Variants in ERGIC1 observed in about 807,000 individuals in gnomAD.
ERGIC1 encodes the protein endoplasmic reticulum-golgi intermediate compartment 1, also known as endoplasmic reticulum-Golgi intermediate compartment protein 1.
A neutral mutation model predicts 38.3 loss-of-function variants in ERGIC1; 19 were observed. The ratio of observed to expected loss-of-function variants is 0.50; its 90% CI spans 0.35 to 0.73. The LOEUF (loss-of-function observed/expected upper bound fraction) is 0.73. ERGIC1 is among the 30% of genes least tolerant of loss of function. The pLI is 0.01. For missense variants in ERGIC1, 294 were observed against 389.2 expected (o/e 0.76, Z 2.06); for synonymous variants, 124 against 157.6 (o/e 0.79, Z 1.60).
chr5:172,901,525 G>T (rs970880350), intron 3 of ERGIC1, among the ~76,000 whole-genome samples: 3 of 152,158 alleles, frequency 2.0e-5, no homozygotes, highest in Non-Finnish European at 2.9e-5. Flanking sequence ...ATAACTCATG[G>T]TACCTTCCAT....
intron 1 of ERGIC1, among the ~76,000 whole-genome samples, chr5:172,836,605 C>T (rs1761042736): frequency 6.6e-6 from 1 of 152,200 alleles, no homozygotes; most frequent in Admixed American, 6.5e-5. Context: ...CGACCATCCC[C>T]ATGCACCTTC....
intron 1 of ERGIC1, among the ~76,000 whole-genome samples, chr5:172,875,951 C>T (rs1166091464): frequency 6.6e-6 from 1 of 152,182 alleles, no homozygotes; most frequent in Non-Finnish European, 1.5e-5. Context: ...ATCATGTAAC[C>T]TGTTCCTGGT....
intron 1 of ERGIC1, among the ~76,000 whole-genome samples, chr5:172,845,260 G>T (rs1464011927): frequency 6.6e-6 from 1 of 152,192 alleles, no homozygotes; most frequent in Non-Finnish European, 1.5e-5. Context: ...GACTGTAGAA[G>T]TGGAAGCCTT....
intron 9 of ERGIC1, among the ~76,000 whole-genome samples, chr5:172,941,940 C>T (rs1764019371): frequency 6.6e-6 from 1 of 152,198 alleles, no homozygotes; most frequent in Non-Finnish European, 1.5e-5. Flanking sequence ...GGCGCAGTGG[C>T]TCACGCCTGT....
chr5:172,903,933 G>C (rs1311561439), intron 3 of ERGIC1, among the ~76,000 whole-genome samples: 1 of 151,512 alleles, frequency 6.6e-6, no homozygotes. Context: ...GAAGGGTGTG[G>C]AATCGGCCCT....
At chr5:172,877,666 T>C (rs1405766850) in intron 1 of ERGIC1, among the ~76,000 whole-genome samples, 2 of 151,942 alleles carry the variant, frequency 1.3e-5, no homozygotes, top group African/African-American at 4.8e-5. Context: ...CCTGTGACAG[T>C]GTCATTTTCC....
At position 172,935,206 on chromosome 5, in the gene ERGIC1, C is replaced by G; in HGVS notation, c.661C>G (p.His221Asp). Residue 221 changes from histidine to aspartate, a missense_variant, in exon 9 of 10, where the codon CAC becomes GAC. Physicochemically the swap from His to Asp is moderately conservative, Grantham distance 81. Around this residue, in one of 3 missense-constraint regions of ERGIC1, gnomAD observed 109 missense variants for 112.7 expected, o/e 0.97. Coordinates refer to ENST00000393784, the MANE Select transcript of ERGIC1 (RefSeq NM_001031711.3). ...ACCCCAGGAATACGTCGCCTACAGC[C>G]ACACGGGCCGCATCATCCCTGCAAT... ...VANKEYVAYS[H>D]TGRIIPAIWF... The G allele has an allele frequency of 6.2e-7, 1 of 1,614,188 alleles. No individual in the cohort carries two copies. Among genetic ancestry groups the G allele is most frequent in the Non-Finnish European group, 8.5e-7 (1 of 1,180,038 alleles).
At chr5:172,904,981 G>A (rs940471417) in intron 3 of ERGIC1, among the ~76,000 whole-genome samples, 3 of 152,132 alleles carry the variant, frequency 2.0e-5, no homozygotes, top group Admixed American at 6.5e-5. Context: ...CTAGCCCTGC[G>A]GAGCCTGTTC....
intron 7 of ERGIC1, chr5:172,927,068 C>G (rs2113458396): frequency 1.2e-5 from 2 of 165,932 alleles, no homozygotes; most frequent in Middle Eastern, 5.7e-3. Context: ...CCCTCCTTAG[C>G]TCCCTGGCAC....
chr5:172,926,759 A>ACCC lies in ERGIC1; in HGVS notation c.541+190_541+191insCCC. ...CAGCCCCGTCCAGACCCAGACCCTG[A>ACCC]TGGAGAAGGAAGAAGGCTTGTCCCG... is the stretch of plus-strand genomic sequence containing the variant. On this transcript the variant is annotated intron_variant, in intron 7 of 9. Coordinates refer to ENST00000393784, the MANE Select transcript of ERGIC1 (RefSeq NM_001031711.3). This position sits in a 1 kb window ranked among gnomAD's most constrained non-coding sequence, Gnocchi z 5.2. The ACCC allele has an allele frequency of 1.6e-6, 1 of 622,870 alleles. No individual in the cohort carries two copies. The highest frequency in any genetic ancestry group is 2.8e-6 in the Non-Finnish European group (1 of 354,888). 38.6% of individuals were successfully genotyped at this position (622,870 alleles called of 1,614,324 possible).
chr5:172,858,919 C>T (rs1021332812), intron 1 of ERGIC1, among the ~76,000 whole-genome samples: 1 of 152,228 alleles, frequency 6.6e-6, no homozygotes, highest in Admixed American at 6.5e-5. Context: ...GACAGTCACA[C>T]CAGGTCAAAA....
At chr5:172,935,719 T>C (rs1273077054) in intron 9 of ERGIC1, 1 of 174,704 alleles carries the variant, frequency 5.7e-6, no homozygotes, top group Non-Finnish European at 1.2e-5. Context: ...TTTCCAGTTA[T>C]AGCTGCTGAT....
At chr5:172,901,131 A>G (rs1762865373) in intron 3 of ERGIC1, among the ~76,000 whole-genome samples, 1 of 152,194 alleles carries the variant, frequency 6.6e-6, no homozygotes, top group Admixed American at 6.5e-5. Context: ...TCCCGCCACC[A>G]TGAGATTGTA....
intron 7 of ERGIC1, among the ~76,000 whole-genome samples, chr5:172,929,641 ATTGT>A (rs893386143): frequency 1.3e-5 from 2 of 152,210 alleles, no homozygotes; most frequent in African/African-American, 4.8e-5. Flanking sequence ...TCATTAGGTC[ATTGT>A]TTATAAAATT....
chr5:172,897,053 C>T lies in ERGIC1; in HGVS notation c.134C>T (p.Thr45Ile), dbSNP rs1398316487. Residue 45 changes from threonine to isoleucine, a missense_variant, in exon 3 of 10, where the codon ACC becomes ATC. Around this residue, in one of 3 missense-constraint regions of ERGIC1, gnomAD observed 163 missense variants for 225.8 expected, o/e 0.72. Transcript: ENST00000393784. The stretch of plus-strand genomic sequence containing the variant: ...CTCTTCCTCTTCCTCTCGGAGCTCA[C>T]CGGATTTATAACGACAGAAGTGTAA... ...FILFLFLSEL[T>I]GFITTEVVNE... 1.2e-6 allele frequency: 2 copies of T among 1,614,136 alleles called. No individual in the cohort carries two copies. The highest frequency in any genetic ancestry group is 2.7e-5 in the African/African-American group (2 of 75,042).
intron 1 of ERGIC1, among the ~76,000 whole-genome samples, chr5:172,873,640 G>T (rs1363812336): frequency 1.3e-5 from 2 of 152,234 alleles, no homozygotes; most frequent in African/African-American, 4.8e-5. Flanking sequence ...GGGAGGATCA[G>T]TGTTCAGTCT....
chr5:172,887,987 G>A (rs1254847562), intron 1 of ERGIC1, among the ~76,000 whole-genome samples: 3 of 152,220 alleles, frequency 2.0e-5, no homozygotes, highest in African/African-American at 4.8e-5. Flanking sequence ...GAGCAGGGCT[G>A]TGCGTTTCCT....
intron 9 of ERGIC1, among the ~76,000 whole-genome samples, chr5:172,949,664 G>GGA (rs1764192558): frequency 6.6e-6 from 1 of 150,656 alleles, no homozygotes; most frequent in Non-Finnish European, 1.5e-5. Context: ...GCGGGGGGGG[G>GGA]TATGATTGGC....
At chr5:172,890,119 C>T (rs1299883168) in intron 2 of ERGIC1, among the ~76,000 whole-genome samples, 1 of 152,150 alleles carries the variant, frequency 6.6e-6, no homozygotes. Flanking sequence ...TTGGCATGAC[C>T]AGTGATAAGC....
Sources: allele counts gnomAD v4.1 joint callset (sites outside exome capture counted in the v4.1 genomes callset), GRCh38; gene constraint gnomAD v4.1.1; regional missense constraint gnomAD v4.1.1; non-coding constraint Gnocchi (gnomAD v3.1); transcripts MANE v1.5; gene names NCBI Gene and HGNC (gene_info 2026-07-23, HGNC 2026-07-21).